The following NMRK1 variants were observed in gnomAD, a reference collection of about 807,000 sequenced individuals.
The protein encoded by NMRK1 is nicotinamide riboside kinase 1.
In NMRK1, 28 loss-of-function variants were observed where a neutral mutation model predicts 29.9. That is an observed-to-expected ratio of 0.94 (90% confidence interval 0.69 to 1.28). The LOEUF is 1.28. NMRK1 is among the 50% of genes most tolerant of loss of function. The pLI is 0.00. For synonymous variants in NMRK1, 58 were observed against 73.0 expected, an observed-to-expected ratio of 0.79 and a Z score of 1.05; for missense variants, 218 against 233.1, an observed-to-expected ratio of 0.94 and a Z score of 0.42.
chr9:75,079,500 T>G (rs543616219), intron 2 of NMRK1, among the ~76,000 whole-genome samples: 1 of 152,334 alleles, frequency 6.6e-6, no homozygotes, highest in East Asian at 1.9e-4. Flanking sequence ...CAGTAGTAAT[T>G]AGATCCTTTC....
At chr9:75,082,799 T>A (rs906064443) in intron 2 of NMRK1, 168 of 428,032 alleles carry the variant, frequency 3.9e-4, no homozygotes, top group Non-Finnish European at 5.9e-4. Context: ...TCATCCTGAA[T>A]GAAAGCAGTG....
At chr9:75,071,491 G>T (rs1032161587) in intron 4 of NMRK1, among the ~76,000 whole-genome samples, 1 of 152,118 alleles carries the variant, frequency 6.6e-6, no homozygotes, top group Non-Finnish European at 1.5e-5. Context: ...TCATGGTATT[G>T]GTGTCTGTTG....
chr9:75,084,680 C>A (rs1824515036), intron 1 of NMRK1, among the ~76,000 whole-genome samples: 1 of 152,200 alleles, frequency 6.6e-6, no homozygotes, highest in African/African-American at 2.4e-5. Flanking sequence ...GTCCCAGCTA[C>A]TTCGGAGGCT....
chr9:75,078,069 A>G (rs1824106920), intron 2 of NMRK1, among the ~76,000 whole-genome samples: 1 of 152,248 alleles, frequency 6.6e-6, no homozygotes, highest in African/African-American at 2.4e-5. Context: ...AATAAGAAAT[A>G]AGCTGGGAAA....
intron 8 of NMRK1, among the ~76,000 whole-genome samples, chr9:75,062,145 T>A (rs1189694654): frequency 6.6e-6 from 1 of 152,174 alleles, no homozygotes; most frequent in East Asian, 1.9e-4. Flanking sequence ...AGGGATATAA[T>A]TCAAAAAGAA....
At chr9:75,070,123 G>A (rs935972388) in intron 4 of NMRK1, 81 bp from the exon 5 acceptor site, 1 of 1,080,412 alleles carries the variant, frequency 9.3e-7, no homozygotes, top group Non-Finnish European at 1.3e-6. Context: ...GTATATCCAG[G>A]ATTCTGTAAA....
rs749796727 is a variant in NMRK1, at chr9:75,083,617, G to A, written c.-35-467C>T. 3.2e-4 allele frequency among the ~76,000 whole-genome samples: 49 copies of A among 152,192 alleles called. 1 individual carries two copies. The highest frequency in any genetic ancestry group is 2.4e-4 in the Non-Finnish European group (16 of 68,030). On this transcript the variant is annotated intron_variant, in intron 1 of 8. Transcript: ENST00000361092. ...CCAGAGGCAAAAAGAAGCTAATGCCGTTTAAAGATACTGCCCTTATGAGAC... is the reference window on the plus strand; with the variant it reads ...CCAGAGGCAAAAAGAAGCTAATGCCATTTAAAGATACTGCCCTTATGAGAC...
At chr9:75,065,488 T>C (rs1823286704) in intron 8 of NMRK1, among the ~76,000 whole-genome samples, 1 of 151,992 alleles carries the variant, frequency 6.6e-6, no homozygotes, top group African/African-American at 2.4e-5. Context: ...TAAAAAATTT[T>C]AATTTTTGTA....
intron 7 of NMRK1, among the ~76,000 whole-genome samples, chr9:75,068,396 C>T (rs1823490789): frequency 6.6e-6 from 1 of 152,162 alleles, no homozygotes; most frequent in Non-Finnish European, 1.5e-5. Flanking sequence ...TAGCATCAAT[C>T]CACTCCCCTG....
intron 2 of NMRK1, among the ~76,000 whole-genome samples, chr9:75,079,844 T>C (rs775553295): frequency 9.2e-5 from 14 of 152,196 alleles, no homozygotes; most frequent in Non-Finnish European, 1.6e-4. Flanking sequence ...CATTTTCCTA[T>C]GGCACGCCCA....
chr9:75,074,149 C>A, intron 4 of NMRK1, among the ~76,000 whole-genome samples: 1 of 151,890 alleles, frequency 6.6e-6, no homozygotes, highest in East Asian at 1.9e-4. Context: ...CCTCAGCCTC[C>A]CAGGTTCAAG....
chr9:75,071,322 C>T (rs1291286069), intron 4 of NMRK1, among the ~76,000 whole-genome samples: 2 of 152,198 alleles, frequency 1.3e-5, no homozygotes, highest in Non-Finnish European at 1.5e-5. Context: ...ATTTTTTCCA[C>T]TCTAAAATTT....
intron 4 of NMRK1, among the ~76,000 whole-genome samples, chr9:75,072,173 T>G (rs1176311545): frequency 6.6e-6 from 1 of 152,214 alleles, no homozygotes; most frequent in Non-Finnish European, 1.5e-5. Context: ...TGGTTCCATG[T>G]TGTATACTTC....
At position 75,069,737 on chromosome 9, in the gene NMRK1, C is replaced by T. The variant is rs890447556; in HGVS notation, c.389+5G>A. 1 of 1,608,218 alleles carries T rather than the reference C, an allele frequency of 6.2e-7. No homozygotes were observed. The highest frequency in any genetic ancestry group is 8.5e-7 in the Non-Finnish European group (1 of 1,177,084). On this transcript the variant is annotated splice_donor_5th_base_variant and intron_variant, in intron 6 of 8. Transcript: ENST00000361092. ...ACAACTCACAAAGATGGCTTCAAAA[C>T]TTACCTCCTCCTCCTTTTACATTCT...
chr9:75,088,135 C>G lies in NMRK1; in HGVS notation c.-163G>C, dbSNP rs1450687772. The stretch of plus-strand genomic sequence containing the variant: ...CCACAGCCCCTTTCCCCACGCTCCT[C>G]CTGGGTTAGAGGGATGCCAGGTAGG... On this transcript the variant is annotated 5_prime_UTR_variant, in exon 1 of 9. Coordinates refer to ENST00000361092, the MANE Select transcript of NMRK1 (RefSeq NM_017881.3). The G allele has an allele frequency of 6.6e-6, 1 of 152,218 alleles. No homozygotes were observed. The highest frequency in any genetic ancestry group is 2.4e-5 in the African/African-American group (1 of 41,358). The allele number at this position is 152,218 out of a possible 1,614,324, so 9.4% of individuals were successfully genotyped here.
chr9:75,069,811 G>C lies in NMRK1; in HGVS notation c.320C>G (p.Pro107Arg). 1 of 1,612,190 alleles carries C rather than the reference G, an allele frequency of 6.2e-7. No individual in the cohort carries two copies. Among genetic ancestry groups the C allele is most frequent in the African/African-American group, 1.3e-5 (1 of 74,860 alleles). Reference sequence around the variant, plus strand: ...GCTTCTATTCCATATAGTGTCAAGGGGCCTAAAATAACAGCATACTTAGTT... The same window carrying C: ...GCTTCTATTCCATATAGTGTCAAGGCGCCTAAAATAACAGCATACTTAGTT... ...IEGFLLFNYK[P>R]LDTIWNRSYF... The change falls in exon 6 of 9, where the codon CCC becomes CGC. Residue 107 changes from proline to arginine, a missense_variant and splice_region_variant. By Grantham distance (103) the Pro-to-Arg change is moderately radical (BLOSUM62 -2). Coordinates refer to ENST00000361092, the MANE Select transcript of NMRK1 (RefSeq NM_017881.3).
In NMRK1 at chr9:75,060,627, T is replaced by A. The variant is rs1822967430; in HGVS notation, c.*921A>T. ...GCAAAAGATTGTTCAGTACATAATT[T>A]AAATTCCAGCATTGAAAGCAGCCTC... is the stretch of plus-strand genomic sequence containing the variant. On this transcript the variant is annotated 3_prime_UTR_variant, in exon 9 of 9. Coordinates refer to ENST00000361092, the MANE Select transcript of NMRK1 (RefSeq NM_017881.3). The A allele has an allele frequency of 6.6e-6, 1 of 152,152 alleles. No homozygotes were observed. Among genetic ancestry groups the A allele is most frequent in the Non-Finnish European group, 1.5e-5 (1 of 68,014 alleles). The allele number at this position is 152,152 out of a possible 1,614,324, so 9.4% of individuals were successfully genotyped here. A position where few individuals can be genotyped will look rare whatever the true frequency, so the allele number is the denominator to read the frequency against.
At chr9:75,083,274 C>T (rs1824424951) in intron 1 of NMRK1, 124 bp from the exon 2 acceptor site, 1 of 635,362 alleles carries the variant, frequency 1.6e-6, no homozygotes, top group Non-Finnish European at 2.8e-6. Context: ...TTCAGCCCAG[C>T]CCCGCATTAT....
intron 8 of NMRK1, 31 bp downstream of exon 8, chr9:75,066,726 C>T (rs764153787): frequency 8.2e-7 from 1 of 1,225,564 alleles, no homozygotes; most frequent in Non-Finnish European, 1.2e-6. Flanking sequence ...TGTTTCTCCT[C>T]TACCATCCAC....
Sources: gnomAD v4.1 joint callset for allele counts (sites outside exome capture counted in the v4.1 genomes callset) on GRCh38, gnomAD v4.1.1 for gene constraint, MANE v1.5 for transcripts, NCBI Gene and HGNC (gene_info 2026-07-23, HGNC 2026-07-21) for gene names.